RAD51B: variants seen among roughly 807,000 people sequenced by gnomAD.
The protein encoded by RAD51B is RAD51 paralog B.
A neutral mutation model predicts 42.2 loss-of-function variants in RAD51B; 38 were observed. The ratio of observed to expected loss-of-function variants is 0.90; its 90% CI spans 0.70 to 1.18. The LOEUF is 1.18. Among genes scored for constraint, RAD51B ranks in the 50% most tolerant of loss-of-function variants. The probability of loss-of-function intolerance (pLI) is 0.00; values close to 1 mark genes in which losing one functional copy is unlikely to be tolerated. For synonymous variants in RAD51B, 154 were observed against 145.2 expected (o/e 1.06, Z -0.43); for missense variants, 373 against 400.7 (o/e 0.93, Z 0.59).
intron 8 of RAD51B, among the ~76,000 whole-genome samples, chr14:68,338,100 T>G (rs548011102): frequency 2.2e-4 from 33 of 152,268 alleles, no homozygotes; most frequent in African/African-American, 7.9e-4. Context: ...CCCAAAAATC[T>G]TTTATTTGTA....
downstream of RAD51B, among the ~76,000 whole-genome samples, chr14:68,598,695 T>C (rs1891099977): frequency 6.6e-6 from 1 of 152,130 alleles, no homozygotes; most frequent in Non-Finnish European, 1.5e-5. Flanking sequence ...CGGGCTCCAG[T>C]GTGTTCTGGA....
At chr14:67,947,466 C>T (rs1211739533) in intron 7 of RAD51B, among the ~76,000 whole-genome samples, 1 of 152,128 alleles carries the variant, frequency 6.6e-6, no homozygotes, top group Non-Finnish European at 1.5e-5. Flanking sequence ...CCTTAGCTCC[C>T]ATTTTAATGT....
chr14:68,422,835 C>T (rs1201206131), intron 9 of RAD51B, among the ~76,000 whole-genome samples: 4 of 152,304 alleles, frequency 2.6e-5, no homozygotes, highest in Admixed American at 1.3e-4. Context: ...CATAGTCACT[C>T]CTTCCTTCCT....
At chr14:68,427,937 T>C (rs1478591937) in intron 9 of RAD51B, among the ~76,000 whole-genome samples, 1 of 152,224 alleles carries the variant, frequency 6.6e-6, no homozygotes, top group Non-Finnish European at 1.5e-5. Flanking sequence ...ATTTAGGCCA[T>C]AAGAGCTCAT....
chr14:67,910,684 A>C (rs1423993549), intron 7 of RAD51B, among the ~76,000 whole-genome samples: 1 of 152,126 alleles, frequency 6.6e-6, no homozygotes, highest in Non-Finnish European at 1.5e-5. Context: ...TAAAAAGCAT[A>C]AACCTACATC....
chr14:68,072,060 T>TA (rs1204846166), intron 7 of RAD51B, among the ~76,000 whole-genome samples: 83 of 115,896 alleles, frequency 7.2e-4, no homozygotes, highest in Non-Finnish European at 7.9e-4. Flanking sequence ...TAATTATATA[T>TA]ATTTATATAA....
intron 4 of RAD51B, among the ~76,000 whole-genome samples, chr14:67,862,254 T>G (rs966992503): frequency 6.6e-6 from 1 of 152,130 alleles, no homozygotes; most frequent in Admixed American, 6.5e-5. Context: ...ACTCCATAAA[T>G]ATATATTATT....
At chr14:68,515,930 C>G (rs1489584863) in intron 10 of RAD51B, among the ~76,000 whole-genome samples, 1 of 151,944 alleles carries the variant, frequency 6.6e-6, no homozygotes. Context: ...GGACCACAGG[C>G]ACCCACCACC....
chr14:68,344,563 C>T (rs1000361123), intron 8 of RAD51B, among the ~76,000 whole-genome samples: 2 of 151,876 alleles, frequency 1.3e-5, no homozygotes, highest in African/African-American at 4.8e-5. Flanking sequence ...AGGAGAATGG[C>T]GTGAACCTGG....
At chr14:68,088,625 A>G (rs1292065314) in intron 7 of RAD51B, among the ~76,000 whole-genome samples, 2 of 135,908 alleles carry the variant, frequency 1.5e-5, no homozygotes, top group South Asian at 4.9e-4. Context: ...TGTGTGAGAC[A>G]GAGAGAGAGA....
chr14:68,399,237 C>T lies in RAD51B; in HGVS notation c.854-12187C>T, dbSNP rs549423665. On this transcript the variant is annotated intron_variant, in intron 8 of 10. Coordinates refer to ENST00000471583, the MANE Select transcript of RAD51B (RefSeq NM_133510.4). The stretch of plus-strand genomic sequence containing the variant: ...AAAGTATATTGAACTCCCCATATAC[C>T]CTTTACCTGATTTTTTTTTGTGTTT... Among the ~76,000 whole-genome samples the T allele has an allele frequency of 2.0e-5, 3 of 150,768 alleles. No homozygotes were observed. In the East Asian group the frequency reaches 5.9e-4, roughly 29 times the overall value.
At chr14:68,421,058 A>G (rs912531641) in intron 9 of RAD51B, among the ~76,000 whole-genome samples, 1 of 152,188 alleles carries the variant, frequency 6.6e-6, no homozygotes, top group Non-Finnish European at 1.5e-5. Context: ...TGAGTTATGT[A>G]TTAGGATAGC....
At chr14:68,514,838 T>C (rs546652838) in intron 10 of RAD51B, among the ~76,000 whole-genome samples, 5 of 152,206 alleles carry the variant, frequency 3.3e-5, no homozygotes, top group Non-Finnish European at 7.3e-5. Flanking sequence ...AGACCTGAGA[T>C]CCTATCTCAC....
chr14:68,366,889 G>A lies in RAD51B; in HGVS notation c.854-44535G>A, dbSNP rs57439653. ...TGGTGGAACAAAAATTCAGAGCTCT[G>A]AACTTGGTTGAAAGAAAAGGGCAAT... On this transcript the variant is annotated intron_variant, in intron 8 of 10. Transcript: ENST00000471583. Among the ~76,000 whole-genome samples the A allele has an allele frequency of 7.1e-3, 1,080 of 152,308 alleles. 13 individuals are homozygous for A. The highest frequency in any genetic ancestry group is 0.024 in the Middle Eastern group (7 of 294).
chr14:67,885,335 A>G (rs959326397), intron 5 of RAD51B, among the ~76,000 whole-genome samples: 4 of 152,194 alleles, frequency 2.6e-5, no homozygotes, highest in Non-Finnish European at 5.9e-5. Context: ...TGTTTTGTTT[A>G]CTAAGAAAGT....
At chr14:68,036,520 C>T (rs1018409277) in intron 7 of RAD51B, among the ~76,000 whole-genome samples, 2 of 152,198 alleles carry the variant, frequency 1.3e-5, no homozygotes, top group African/African-American at 4.8e-5. Flanking sequence ...GCGTTTAGTA[C>T]ATGTGAGCTT....
intron 9 of RAD51B, among the ~76,000 whole-genome samples, chr14:68,420,930 C>T (rs1477427157): frequency 6.6e-6 from 1 of 152,170 alleles, no homozygotes; most frequent in East Asian, 1.9e-4. Flanking sequence ...GAAAAGGAGG[C>T]CTTGACTTGG....
intron 10 of RAD51B, among the ~76,000 whole-genome samples, chr14:68,526,786 G>T (rs1886961551): frequency 1.3e-5 from 2 of 152,294 alleles, no homozygotes; most frequent in East Asian, 1.9e-4. Flanking sequence ...CAGGCCGCTT[G>T]GTTCTTCTGG....
chr14:68,596,295 C>T (rs2140087151), downstream of RAD51B, among the ~76,000 whole-genome samples: 1 of 152,154 alleles, frequency 6.6e-6, no homozygotes, highest in Non-Finnish European at 1.5e-5. Context: ...TGAGCATCTC[C>T]AAGGGGGTCC....
Sources: allele counts gnomAD v4.1 joint callset (sites outside exome capture counted in the v4.1 genomes callset), GRCh38; gene constraint gnomAD v4.1.1; transcripts MANE v1.5; gene names NCBI Gene and HGNC (gene_info 2026-07-23, HGNC 2026-07-21).